EPM2A: variants seen among roughly 807,000 people sequenced by gnomAD.
EPM2A encodes the protein EPM2A glucan phosphatase, laforin, also known as laforin.
Under a neutral mutation model 26.5 loss-of-function variants are expected in EPM2A, and 21 were observed. The observed-to-expected ratio is 0.79, with a 90% CI of 0.56 to 1.14. The LOEUF (loss-of-function observed/expected upper bound fraction) is 1.14, where lower values mean the gene tolerates loss of function less well. Among genes scored for constraint, EPM2A ranks in the 50% most tolerant of loss-of-function variants. The pLI is 0.00. For missense variants in EPM2A, 458 were observed against 440.8 expected, an observed-to-expected ratio of 1.04 and a Z score of -0.35; for synonymous variants, 217 against 177.6, an observed-to-expected ratio of 1.22 and a Z score of -1.76.
rs573978815 is a variant in EPM2A, at chr6:145,691,756, C to T, written c.302-5460G>A. On this transcript the variant is annotated intron_variant, in intron 1 of 3. Transcript: ENST00000367519. ...AATATACATAATGTATATAGAAATT[C>T]TATGTGTAAATCAAAACAGAATTCT... 6.6e-5 allele frequency among the ~76,000 whole-genome samples: 10 copies of T among 152,002 alleles called. No individual in the cohort carries two copies. The South Asian group carries it at 1.9e-3, about 28-fold the overall frequency.
chr6:145,693,005 G>A (rs1316329919), intron 1 of EPM2A, among the ~76,000 whole-genome samples: 1 of 152,020 alleles, frequency 6.6e-6, no homozygotes, highest in Non-Finnish European at 1.5e-5. Flanking sequence ...TCTTTGGGTA[G>A]TATGGCCACT....
chr6:145,450,214 G>C (rs942705973), intron 4 of EPM2A, among the ~76,000 whole-genome samples: 1 of 151,552 alleles, frequency 6.6e-6, no homozygotes, highest in Non-Finnish European at 1.5e-5. Context: ...TTAGCTGGGC[G>C]TGGTGGCGGG....
chr6:145,473,261 A>G (rs1295845733), intron 4 of EPM2A, among the ~76,000 whole-genome samples: 1 of 152,076 alleles, frequency 6.6e-6, no homozygotes, highest in African/African-American at 2.4e-5. Context: ...TGCCATTGGC[A>G]TACTGAAGAA....
intron 2 of EPM2A, among the ~76,000 whole-genome samples, chr6:145,563,336 A>C (rs2114816979): frequency 6.6e-6 from 1 of 152,070 alleles, no homozygotes; most frequent in South Asian, 2.1e-4. Flanking sequence ...CGAAGGATGA[A>C]AGAACTAGAG....
intron 2 of EPM2A, among the ~76,000 whole-genome samples, chr6:145,572,320 G>C (rs566429765): frequency 1.1e-4 from 16 of 152,318 alleles, no homozygotes; most frequent in Admixed American, 3.9e-4. Flanking sequence ...GGCCATTGGT[G>C]CAGGCTGGGA....
chr6:145,491,299 A>C (rs1173002122), intron 4 of EPM2A: 3 of 345,310 alleles, frequency 8.7e-6, no homozygotes, highest in African/African-American at 4.3e-5. Context: ...AACCGGTTGC[A>C]CTCAACCTGC....
At chr6:145,611,447 C>T (rs1170964837) in intron 2 of EPM2A, among the ~76,000 whole-genome samples, 1 of 151,918 alleles carries the variant, frequency 6.6e-6, no homozygotes, top group East Asian at 1.9e-4. Context: ...CCACTTTCCA[C>T]TCATCAGCTT....
intron 4 of EPM2A, among the ~76,000 whole-genome samples, chr6:145,457,266 G>A (rs1779273101): frequency 6.6e-6 from 1 of 151,954 alleles, no homozygotes; most frequent in Non-Finnish European, 1.5e-5. Flanking sequence ...AGGCTGAGGT[G>A]GATGGATCAC....
intron 2 of EPM2A, among the ~76,000 whole-genome samples, chr6:145,615,198 G>A: frequency 6.6e-6 from 1 of 152,124 alleles, no homozygotes; most frequent in Non-Finnish European, 1.5e-5. Flanking sequence ...CCAGTGGGAG[G>A]TAACTGAATC....
downstream of EPM2A, among the ~76,000 whole-genome samples, chr6:145,624,070 T>C (rs927845876): frequency 6.6e-6 from 1 of 152,162 alleles, no homozygotes; most frequent in Non-Finnish European, 1.5e-5. Flanking sequence ...ATGAGGGTAG[T>C]GTCATCAATC....
intron 2 of EPM2A, among the ~76,000 whole-genome samples, chr6:145,644,295 G>A (rs1395657635): frequency 4.0e-5 from 6 of 151,644 alleles, no homozygotes; most frequent in East Asian, 1.9e-4. Context: ...CCTTTTTTTC[G>A]TGAATTCCCA....
At chr6:145,594,413 C>A (rs1781313358) in intron 2 of EPM2A, among the ~76,000 whole-genome samples, 1 of 151,630 alleles carries the variant, frequency 6.6e-6, no homozygotes, top group African/African-American at 2.4e-5. Flanking sequence ...TAACGTCTTC[C>A]AGAAGATACA....
intron 2 of EPM2A, among the ~76,000 whole-genome samples, chr6:145,547,978 T>C (rs2114801083): frequency 6.6e-6 from 1 of 152,246 alleles, no homozygotes; most frequent in South Asian, 2.1e-4. Flanking sequence ...AAACTAATAT[T>C]CTATGACTTT....
chr6:145,497,290 C>T (rs935317860), downstream of EPM2A, among the ~76,000 whole-genome samples: 2 of 152,168 alleles, frequency 1.3e-5, no homozygotes, highest in African/African-American at 4.8e-5. Context: ...GCCACTTTTC[C>T]GTAGGGCTGC....
chr6:145,384,213 T>A (rs181516378), intron 4 of EPM2A: 1 of 152,286 alleles, frequency 6.6e-6, no homozygotes, highest in Non-Finnish European at 1.5e-5. Flanking sequence ...AAGGGAAAAT[T>A]GCAAGTCCCT....
chr6:145,692,016 A>C (rs565182940), intron 1 of EPM2A, among the ~76,000 whole-genome samples: 2 of 152,072 alleles, frequency 1.3e-5, no homozygotes, highest in East Asian at 3.8e-4. Context: ...ACAGGTGGGA[A>C]GTAAAAGCAT....
At chr6:145,411,707 C>A (rs1778645035) in intron 4 of EPM2A, among the ~76,000 whole-genome samples, 1 of 152,096 alleles carries the variant, frequency 6.6e-6, no homozygotes, top group Admixed American at 6.6e-5. Context: ...ATCATCAACC[C>A]ACACATGCCA....
intron 2 of EPM2A, among the ~76,000 whole-genome samples, chr6:145,574,901 T>C (rs73566724): frequency 0.067 from 10,194 of 152,190 alleles, 1,150 homozygotes; most frequent in African/African-American, 0.23. Context: ...TCTATTCCCA[T>C]GCCGTTCTCC....
chr6:145,683,206 C>T (rs1780664205), intron 2 of EPM2A, among the ~76,000 whole-genome samples: 1 of 150,582 alleles, frequency 6.6e-6, no homozygotes, highest in South Asian at 2.1e-4. Context: ...TTCTAAACTA[C>T]TGTCCTTTCA....
Sources: gnomAD v4.1 joint callset for allele counts (sites outside exome capture counted in the v4.1 genomes callset) on GRCh38, gnomAD v4.1.1 for gene constraint, MANE v1.5 for transcripts, NCBI Gene and HGNC (gene_info 2026-07-23, HGNC 2026-07-21) for gene names.